Variants in AFF2 observed in about 807,000 individuals in gnomAD.
AFF2 encodes AF4/FMR2 family member 2.
Under a neutral mutation model 76.9 loss-of-function variants are expected in AFF2, and 14 were observed. That is an observed-to-expected ratio of 0.18 (90% confidence interval 0.12 to 0.28). The LOEUF (loss-of-function observed/expected upper bound fraction) is 0.28. Among genes scored for constraint, AFF2 ranks in the 10% least tolerant of loss-of-function variants. The probability of loss-of-function intolerance (pLI) is 1.00; values close to 1 mark genes in which losing one functional copy is unlikely to be tolerated. For synonymous variants in AFF2, 398 were observed against 366.7 expected, an observed-to-expected ratio of 1.09 and a Z score of -0.98; for missense variants, 868 against 1,001.1, an observed-to-expected ratio of 0.87 and a Z score of 1.79.
intron 9 of AFF2, among the ~76,000 whole-genome samples, chrX:148,926,281 T>A (rs1487612125): frequency 3.6e-5 from 4 of 112,546 alleles, no homozygotes; most frequent in Non-Finnish European, 7.5e-5. Context: ...CGAGGCTTGC[T>A]ATGTCATAAA....
At chrX:148,729,594 A>G (rs1031528638) in intron 3 of AFF2, among the ~76,000 whole-genome samples, 1 of 111,774 alleles carries the variant, frequency 8.9e-6, no homozygotes, top group Non-Finnish European at 1.9e-5. Flanking sequence ...GGTGGTGAGT[A>G]GAAAATGAAT....
intron 1 of AFF2, among the ~76,000 whole-genome samples, chrX:148,622,695 G>C (rs2053881770): frequency 1.8e-5 from 2 of 111,436 alleles, no homozygotes; most frequent in Admixed American, 1.9e-4. Flanking sequence ...AGTCAAGACT[G>C]TCTGCCTTGA....
chrX:148,508,501 A>G (rs1398690567), intron 1 of AFF2, among the ~76,000 whole-genome samples: 2 of 111,587 alleles, frequency 1.8e-5, no homozygotes, highest in South Asian at 3.8e-4. Flanking sequence ...GGTTTCTAGT[A>G]TGGTTTGATC....
chrX:148,542,303 C>T (rs2052867266), intron 1 of AFF2, among the ~76,000 whole-genome samples: 1 of 107,429 alleles, frequency 9.3e-6, no homozygotes, highest in South Asian at 4.1e-4. Flanking sequence ...GCTCTACAGC[C>T]CTTAGCGAAC....
intron 3 of AFF2, among the ~76,000 whole-genome samples, chrX:148,671,303 C>T (rs782773799): frequency 6.2e-5 from 7 of 112,079 alleles, no homozygotes; most frequent in Non-Finnish European, 1.3e-4. Context: ...TAAAACAGCA[C>T]TATTTGATAA....
At chrX:148,558,146 C>T (rs2053072352) in intron 1 of AFF2, among the ~76,000 whole-genome samples, 1 of 112,338 alleles carries the variant, frequency 8.9e-6, no homozygotes, top group Non-Finnish European at 1.9e-5. Flanking sequence ...CCATTTATTA[C>T]AGAGCAAGTT....
chrX:148,614,424 G>A (rs1468462226), intron 1 of AFF2, among the ~76,000 whole-genome samples: 3 of 111,477 alleles, frequency 2.7e-5, no homozygotes, highest in African/African-American at 9.8e-5. Context: ...CAACCACCTG[G>A]AGGTGTGATC....
At chrX:148,645,490 C>T (rs1242448719) in intron 1 of AFF2, among the ~76,000 whole-genome samples, 3 of 112,048 alleles carry the variant, frequency 2.7e-5, no homozygotes, top group Non-Finnish European at 5.6e-5. Flanking sequence ...CTGTAAAATT[C>T]CTTAAAGCTT....
intron 3 of AFF2, among the ~76,000 whole-genome samples, chrX:148,755,315 C>T (rs2055548878): frequency 8.9e-6 from 1 of 111,995 alleles, no homozygotes; most frequent in African/African-American, 3.2e-5. Flanking sequence ...TACAGAAAAA[C>T]GTTTCCCTTT....
chrX:148,890,706 G>C lies in AFF2; in HGVS notation c.1359+4721G>C, dbSNP rs991884123. Among the ~76,000 whole-genome samples, 3 of 111,939 alleles carry C rather than the reference G, an allele frequency of 2.7e-5. No homozygotes were observed. In the Admixed American group the frequency reaches 2.8e-4, roughly 11 times the overall value. On this transcript the variant is annotated intron_variant, in intron 8 of 20. Coordinates refer to ENST00000370460, the MANE Select transcript of AFF2 (RefSeq NM_002025.4). ...GAGTTTTTCTTCCAAGGATTGGCGT[G>C]GGTGGAGAGTTGATTCATACCCTTC...
At position 148,963,401 on chromosome X, in the gene AFF2, T is replaced by C. The variant is rs545063060; in HGVS notation, c.2913+464T>C. Among the ~76,000 whole-genome samples, 82 of 111,972 alleles carry C rather than the reference T, an allele frequency of 7.3e-4. 4 individuals carry two copies. The South Asian group carries it at 0.03, about 40-fold the overall frequency. On this transcript the variant is annotated intron_variant, in intron 13 of 20. Transcript: ENST00000370460. ...GCATAATTTTTGCCTTAGCCTGTGA[T>C]TAAGACACTTAACTCTTGTATAGTG... is the stretch of plus-strand genomic sequence containing the variant.
At chrX:148,607,554 T>C (rs1458532059) in intron 1 of AFF2, among the ~76,000 whole-genome samples, 1 of 111,483 alleles carries the variant, frequency 9.0e-6, no homozygotes, top group Non-Finnish European at 1.9e-5. Flanking sequence ...TGTGAGTCCA[T>C]TAAACCTCTT....
At chrX:148,922,047 A>C (rs983549199) in intron 9 of AFF2, among the ~76,000 whole-genome samples, 6 of 112,335 alleles carry the variant, frequency 5.3e-5, no homozygotes, top group Admixed American at 1.9e-4. Flanking sequence ...TCATTAGAGC[A>C]CAAAATTAGA....
chrX:148,524,354 G>A (rs1487956617), intron 1 of AFF2, among the ~76,000 whole-genome samples: 3 of 111,066 alleles, frequency 2.7e-5, no homozygotes, highest in Non-Finnish European at 3.8e-5. Context: ...TTCTGTTTTT[G>A]TAGGCTAATG....
chrX:148,782,670 A>G, intron 3 of AFF2, among the ~76,000 whole-genome samples: 1 of 111,814 alleles, frequency 8.9e-6, no homozygotes, highest in Non-Finnish European at 1.9e-5. Context: ...ATTATCAGTA[A>G]TATGTTTAGC....
At chrX:148,749,530 A>G (rs1557266326) in intron 3 of AFF2, among the ~76,000 whole-genome samples, 1 of 111,598 alleles carries the variant, frequency 9.0e-6, no homozygotes. Flanking sequence ...TAATACCTAC[A>G]TCTGCTATAT....
intron 3 of AFF2, among the ~76,000 whole-genome samples, chrX:148,734,550 A>C (rs782615055): frequency 2.7e-5 from 3 of 111,703 alleles, no homozygotes; most frequent in Non-Finnish European, 5.6e-5. Context: ...TCCTTTGTTG[A>C]ATCAGGAAAT....
chrX:148,571,824 A>G lies in AFF2; in HGVS notation c.47+70680A>G, dbSNP rs367555098. Among the ~76,000 whole-genome samples, 24 of 111,644 alleles carry G rather than the reference A, an allele frequency of 2.1e-4. 2 individuals are homozygous for G. The highest frequency in any genetic ancestry group is 2.1e-3 in the Admixed American group (22 of 10,490). ...AGGATCAGCACAGGGTCAAAGGGCC[A>G]GTGATAATAGGACTAATATCTCTAG... On this transcript the variant is annotated intron_variant, in intron 1 of 20. Transcript: ENST00000370460.
At chrX:148,620,527 A>G (rs1357814384) in intron 1 of AFF2, among the ~76,000 whole-genome samples, 1 of 107,365 alleles carries the variant, frequency 9.3e-6, no homozygotes, top group African/African-American at 3.4e-5. Context: ...CAATTAAAAA[A>G]TATATATATA....
Sources: allele counts gnomAD v4.1 joint callset (sites outside exome capture counted in the v4.1 genomes callset), GRCh38; gene constraint gnomAD v4.1.1; transcripts MANE v1.5; gene names NCBI Gene and HGNC (gene_info 2026-07-23, HGNC 2026-07-21).